PDP2: variants seen among roughly 807,000 people sequenced by gnomAD.
PDP2 encodes the protein [Pyruvate dehydrogenase [acetyl-transferring]]-phosphatase 2, mitochondrial.
Under a neutral mutation model 34.2 loss-of-function variants are expected in PDP2, and 23 were observed. The ratio of observed to expected loss-of-function variants is 0.67; its 90% CI spans 0.48 to 0.95. The LOEUF is 0.95. PDP2 is among the 40% of genes least tolerant of loss of function. PDP2 has a pLI of 0.00. For missense variants in PDP2, 571 were observed against 659.6 expected (o/e 0.87, Z 1.47); for synonymous variants, 275 against 269.2 (o/e 1.02, Z -0.21).
At chr16:66,882,411 G>C (rs1227166573) in intron 1 of PDP2, among the ~76,000 whole-genome samples, 3 of 151,966 alleles carry the variant, frequency 2.0e-5, no homozygotes, top group African/African-American at 7.3e-5. Flanking sequence ...ACTCTAGCCT[G>C]GGGACAGAGC....
At position 66,889,975 on chromosome 16, in the gene PDP2, T is replaced by C. The variant is rs1453089480; in HGVS notation, c.*4101T>C. 1 of 132,532 alleles carries C rather than the reference T, an allele frequency of 7.5e-6. No homozygotes were observed. The highest frequency in any genetic ancestry group is 1.6e-5 in the Non-Finnish European group (1 of 63,482). The allele number at this position is 132,532 out of a possible 1,614,324, so 8.2% of individuals were successfully genotyped here. A position where few individuals can be genotyped will look rare whatever the true frequency, so the allele number is the denominator to read the frequency against. On this transcript the variant is annotated 3_prime_UTR_variant, in exon 2 of 2. Transcript: ENST00000311765. ...ACTGTGTCTAAAAAAAAAGTTTGAATTAAAAAAAAAAAAAAAAAAGTCGGC... is the reference window on the plus strand; with the variant it reads ...ACTGTGTCTAAAAAAAAAGTTTGAACTAAAAAAAAAAAAAAAAAAGTCGGC...
Position 66,884,847 on chromosome 16 carries a change from A to T in PDP2, c.563A>T (p.His188Leu), listed in dbSNP as rs780500510. Reference protein sequence around the residue: ...ESMKPLLPILHWLKHPGDSIY... With the variant: ...ESMKPLLPILLWLKHPGDSIY... ...ATGAAACCCTTGCTGCCCATCCTGC[A>T]TTGGCTCAAGCACCCAGGGGACAGT... is the stretch of plus-strand genomic sequence containing the variant. The change falls in exon 2 of 2, where the codon CAT becomes CTT. Residue 188 changes from histidine (H) to leucine (L), a missense_variant. By Grantham distance (99) the His-to-Leu change is moderately conservative. Around this residue, in one of 2 missense-constraint regions of PDP2, gnomAD observed 290 missense variants for 283.8 expected, o/e 1.02. Transcript: ENST00000311765. 1 of 1,614,052 alleles carries T rather than the reference A, an allele frequency of 6.2e-7. No homozygotes were observed. Among genetic ancestry groups the T allele is most frequent in the Non-Finnish European group, 8.5e-7 (1 of 1,179,966 alleles).
chr16:66,885,959 C>A lies in PDP2; in HGVS notation c.*85C>A, dbSNP rs894476771. ...TCCTAAACTAGCTATCCAAACCTTA[C>A]TATTAAAAGCGCAGGCAGATTTAAT... On this transcript the variant is annotated 3_prime_UTR_variant, in exon 2 of 2. Transcript: ENST00000311765. This position sits in a 1 kb window ranked among gnomAD's most constrained non-coding sequence, Gnocchi z 4.6. The A allele has an allele frequency of 3.9e-5, 52 of 1,343,594 alleles. No homozygotes were observed. Among genetic ancestry groups the A allele is most frequent in the Non-Finnish European group, 1.3e-5 (13 of 976,826 alleles). The allele number at this position is 1,343,594 out of a possible 1,614,324, so 83.2% of individuals were successfully genotyped here.
intron 1 of PDP2, among the ~76,000 whole-genome samples, chr16:66,881,429 TTTAATTTAA>T (rs1961513198): frequency 2.2e-5 from 2 of 92,308 alleles, no homozygotes; most frequent in African/African-American, 6.3e-5. Flanking sequence ...TTTTTTTTTT[TTTAATTTAA>T]TTTAATTTAA....
chr16:66,881,978 A>T (rs1343093386), intron 1 of PDP2, among the ~76,000 whole-genome samples: 1 of 152,188 alleles, frequency 6.6e-6, no homozygotes, highest in Non-Finnish European at 1.5e-5. Context: ...CACTGTGCCC[A>T]GTCCAGTTTG....
chr16:66,887,177 G>A lies in PDP2; in HGVS notation c.*1303G>A, dbSNP rs1480867016. Reference sequence around the variant, plus strand: ...TTAGACCATATTTAGTATAGGAGTTGGGGCAAAAATAAAAGTGTAATTTGT... The same window carrying A: ...TTAGACCATATTTAGTATAGGAGTTAGGGCAAAAATAAAAGTGTAATTTGT... On this transcript the variant is annotated 3_prime_UTR_variant, in exon 2 of 2. Transcript: ENST00000311765. The A allele has an allele frequency of 6.0e-6, 1 of 166,884 alleles. No homozygotes were observed. Among genetic ancestry groups the A allele is most frequent in the East Asian group, 1.9e-4 (1 of 5,206 alleles). The allele number at this position is 166,884 out of a possible 1,614,324, so 10.3% of individuals were successfully genotyped here.
At chr16:66,881,618 AG>A (rs1961521029) in intron 1 of PDP2, among the ~76,000 whole-genome samples, 1 of 152,106 alleles carries the variant, frequency 6.6e-6, no homozygotes, top group South Asian at 2.1e-4. Flanking sequence ...GGAAATAACT[AG>A]GATAAAACCT....
Position 66,884,791 on chromosome 16 carries a change from C to A in PDP2, c.507C>A (p.Thr169=). The A allele has an allele frequency of 6.2e-7, 1 of 1,614,110 alleles. No homozygotes were observed. Among genetic ancestry groups the A allele is most frequent in the South Asian group, 1.1e-5 (1 of 91,084 alleles). Residue 169 remains threonine (T), a synonymous_variant, in exon 2 of 2, where the codon ACC becomes ACA. Transcript: ENST00000311765. The stretch of plus-strand genomic sequence containing the variant: ...CAGTGTCCCTGATGTCCCACCAGAC[C>A]CTGGAGCACATGGAGGGAGCTATGG... ...YVAVSLMSHQ[T]LEHMEGAMES...
chr16:66,886,155 AAAG>A lies in PDP2; in HGVS notation c.*283_*285del, dbSNP rs1961757784. ...GCTTGTGTAGCCCCAGTCATTTGAT[AAAG>A]ATGTTGTTAAACTGTGTCAGCCTGA... On this transcript the variant is annotated 3_prime_UTR_variant, in exon 2 of 2. Coordinates refer to ENST00000311765, the MANE Select transcript of PDP2 (RefSeq NM_020786.4). 1 of 363,422 alleles carries A rather than the reference AAAG, an allele frequency of 2.8e-6. No homozygotes were observed. Among genetic ancestry groups the A allele is most frequent in the Non-Finnish European group, 5.3e-6 (1 of 188,756 alleles). The allele number at this position is 363,422 out of a possible 1,614,324, so 22.5% of individuals were successfully genotyped here.
intron 1 of PDP2, among the ~76,000 whole-genome samples, chr16:66,883,943 G>A (rs1961621155): frequency 6.6e-6 from 1 of 152,050 alleles, no homozygotes; most frequent in African/African-American, 2.4e-5. Flanking sequence ...GGGAGGCCGA[G>A]GCAGGTGGAT....
intron 1 of PDP2, among the ~76,000 whole-genome samples, chr16:66,882,454 A>G (rs907764199): frequency 6.6e-6 from 1 of 152,082 alleles, no homozygotes; most frequent in Non-Finnish European, 1.5e-5. Flanking sequence ...ACAAAACAAA[A>G]AAAAACCAAA....
intron 1 of PDP2, 89 bp from the exon 2 acceptor site, chr16:66,884,142 C>T (rs1472615287): frequency 1.4e-6 from 1 of 722,138 alleles, no homozygotes; most frequent in East Asian, 3.0e-5. Context: ...CCACTGCACT[C>T]CAGCCTGGGC....
At position 66,886,060 on chromosome 16, in the gene PDP2, G is replaced by A. The variant is rs1434122429; in HGVS notation, c.*186G>A. Reference sequence around the variant, plus strand: ...AACAGTGAAATAGCAGTGATTTCATGTCCCTGTATGTTCTGATTAAGTCTT... The same window carrying A: ...AACAGTGAAATAGCAGTGATTTCATATCCCTGTATGTTCTGATTAAGTCTT... On this transcript the variant is annotated 3_prime_UTR_variant, in exon 2 of 2. Transcript: ENST00000311765. 1.6e-6 allele frequency: 1 copy of A among 614,664 alleles called. No homozygotes were observed. Among genetic ancestry groups the A allele is most frequent in the Non-Finnish European group, 2.9e-6 (1 of 342,788 alleles). The allele number at this position is 614,664 out of a possible 1,614,324, so 38.1% of individuals were successfully genotyped here.
Position 66,884,441 on chromosome 16 carries a change from C to G in PDP2, c.157C>G (p.Pro53Ala). ...SRVPPTLNSS[P>A]CGGFTLCKAY... ...GGTGCCACCCACCCTAAACAGTTCC[C>G]CATGTGGTGGCTTTACTCTGTGCAA... Residue 53 changes from proline (P) to alanine (A), a missense_variant, in exon 2 of 2, where the codon CCA becomes GCA. Physicochemically the swap from Pro to Ala is conservative, Grantham distance 27 (BLOSUM62 -1). Coordinates refer to ENST00000311765, the MANE Select transcript of PDP2 (RefSeq NM_020786.4). 6.2e-7 allele frequency: 1 copy of G among 1,614,144 alleles called. No individual in the cohort carries two copies. The highest frequency in any genetic ancestry group is 8.5e-7 in the Non-Finnish European group (1 of 1,180,018).
At chr16:66,883,615 T>A (rs547984207) in intron 1 of PDP2, among the ~76,000 whole-genome samples, 59 of 151,862 alleles carry the variant, frequency 3.9e-4, no homozygotes, top group Non-Finnish European at 6.9e-4. Flanking sequence ...TTTTTTTATT[T>A]TTTTTATTTT....
rs760619274 is a variant in PDP2, at chr16:66,885,229, C to T, written c.945C>T (p.Ala315=). ...LTRDHNAWNQ[A]ELSRLKREHP... ...GTGACCACAATGCCTGGAACCAGGCCGAGCTGTCCCGGCTAAAGAGGGAGC... is the reference window on the plus strand; with the variant it reads ...GTGACCACAATGCCTGGAACCAGGCTGAGCTGTCCCGGCTAAAGAGGGAGC... The change falls in exon 2 of 2, where the codon GCC becomes GCT. Residue 315 remains alanine (A), a synonymous_variant. Transcript: ENST00000311765. This position sits in a 1 kb window ranked among gnomAD's most constrained non-coding sequence, Gnocchi z 4.6. The T allele has an allele frequency of 1.2e-5, 20 of 1,614,090 alleles. No individual in the cohort carries two copies. Among genetic ancestry groups the T allele is most frequent in the East Asian group, 2.2e-5 (1 of 44,882 alleles).
chr16:66,886,575 T>A lies in PDP2; in HGVS notation c.*701T>A, dbSNP rs1300000304. 1 of 467,696 alleles carries A rather than the reference T, an allele frequency of 2.1e-6. No individual in the cohort carries two copies. The highest frequency in any genetic ancestry group is 1.6e-5 in the South Asian group (1 of 64,308). 29.0% of individuals were successfully genotyped at this position (467,696 alleles called of 1,614,324 possible). A position where few individuals can be genotyped will look rare whatever the true frequency, so the allele number is the denominator to read the frequency against. On this transcript the variant is annotated 3_prime_UTR_variant, in exon 2 of 2. Coordinates refer to ENST00000311765, the MANE Select transcript of PDP2 (RefSeq NM_020786.4). ...ATAGGATCTATGCCTCTGGACCAGCTGAACTTACTGGTGCAGCTTTTTGTG... is the reference window on the plus strand; with the variant it reads ...ATAGGATCTATGCCTCTGGACCAGCAGAACTTACTGGTGCAGCTTTTTGTG...
rs1312964146 is a variant in PDP2, at chr16:66,884,244, C to A, written c.-41C>A. The A allele has an allele frequency of 3.5e-5, 51 of 1,439,494 alleles. No homozygotes were observed. The highest frequency in any genetic ancestry group is 4.4e-5 in the Non-Finnish European group (47 of 1,077,512). 89.2% of individuals were successfully genotyped at this position (1,439,494 alleles called of 1,614,324 possible). A position where few individuals can be genotyped will look rare whatever the true frequency, so the allele number is the denominator to read the frequency against. ...TTTAATTTTTAGGTTTAAAAATATC[C>A]TTTTTTGCTGAAGGAACACATTTGC... is the stretch of plus-strand genomic sequence containing the variant. On this transcript the variant is annotated 5_prime_UTR_variant, in exon 2 of 2. Coordinates refer to ENST00000311765, the MANE Select transcript of PDP2 (RefSeq NM_020786.4).
At chr16:66,880,806 G>C (rs1295593769) in intron 1 of PDP2, 166 bp downstream of exon 1, 1 of 152,282 alleles carries the variant, frequency 6.6e-6, no homozygotes, top group Non-Finnish European at 1.5e-5. Context: ...CCGCGGCGGA[G>C]AGGGACCAGC....
Sources: gnomAD v4.1 joint callset for allele counts (sites outside exome capture counted in the v4.1 genomes callset) on GRCh38, gnomAD v4.1.1 for gene constraint, gnomAD v4.1.1 regional missense constraint, Gnocchi (gnomAD v3.1) non-coding constraint, MANE v1.5 for transcripts, NCBI Gene and HGNC (gene_info 2026-07-23, HGNC 2026-07-21) for gene names.